The following MICU2 variants were observed in gnomAD, a reference collection of about 807,000 sequenced individuals.
The protein encoded by MICU2 is calcium uptake protein 2, mitochondrial.
Under a neutral mutation model 60.4 loss-of-function variants are expected in MICU2, and 64 were observed. The observed-to-expected ratio is 1.06, with a 90% CI of 0.87 to 1.31. The LOEUF (loss-of-function observed/expected upper bound fraction) is 1.31, where lower values mean the gene tolerates loss of function less well. Among genes scored for constraint, MICU2 ranks in the 50% most tolerant of loss-of-function variants. The pLI, the probability that MICU2 is intolerant of heterozygous loss-of-function variation, is 0.00. For synonymous variants in MICU2, 201 were observed against 175.0 expected, an observed-to-expected ratio of 1.15 and a Z score of -1.17; for missense variants, 569 against 531.0, an observed-to-expected ratio of 1.07 and a Z score of -0.70.
intron 1 of MICU2, among the ~76,000 whole-genome samples, chr13:21,569,756 G>A (rs1259901069): frequency 6.6e-6 from 1 of 150,518 alleles, no homozygotes; most frequent in East Asian, 1.9e-4. Flanking sequence ...TTACATACAT[G>A]TTCTTACTCA....
chr13:21,572,944 A>AG, intron 1 of MICU2, among the ~76,000 whole-genome samples: 1 of 8,608 alleles, frequency 1.2e-4, no homozygotes, highest in African/African-American at 2.7e-4. Context: ...TAAATAATAC[A>AG]AAAAAAAAAT....
At chr13:21,569,499 A>C (rs1888058042) in intron 1 of MICU2, among the ~76,000 whole-genome samples, 1 of 152,066 alleles carries the variant, frequency 6.6e-6, no homozygotes, top group Non-Finnish European at 1.5e-5. Flanking sequence ...GAAGCCCCCA[A>C]GTCACCATCT....
intron 6 of MICU2, among the ~76,000 whole-genome samples, chr13:21,520,336 G>C (rs1350588053): frequency 6.6e-6 from 1 of 152,082 alleles, no homozygotes; most frequent in Non-Finnish European, 1.5e-5. Flanking sequence ...CATATGCCAA[G>C]GATATATGTT....
At chr13:21,546,237 C>G (rs1385279407) in intron 2 of MICU2, among the ~76,000 whole-genome samples, 1 of 150,650 alleles carries the variant, frequency 6.6e-6, no homozygotes, top group Non-Finnish European at 1.5e-5. Context: ...AACTGGCTTC[C>G]TTGCCAATTT....
intron 1 of MICU2, among the ~76,000 whole-genome samples, chr13:21,589,045 T>C (rs1331938493): frequency 1.3e-5 from 2 of 152,190 alleles, no homozygotes; most frequent in African/African-American, 2.4e-5. Flanking sequence ...GAAAATAAGA[T>C]AGCCTTAGAC....
chr13:21,506,171 T>G (rs551553145), intron 8 of MICU2, among the ~76,000 whole-genome samples: 1 of 152,060 alleles, frequency 6.6e-6, no homozygotes, highest in African/African-American at 2.4e-5. Flanking sequence ...GGACTACAGG[T>G]GCACACCACC....
chr13:21,553,510 C>T lies in MICU2; in HGVS notation c.358+13287G>A, dbSNP rs527486220. 9.9e-5 allele frequency among the ~76,000 whole-genome samples: 15 copies of T among 152,026 alleles called. No homozygotes were observed. In the South Asian group the frequency reaches 2.9e-3, roughly 29 times the overall value. ...AGAGAGGGCATCCCCACCAGGCCTGCCCTAAAAGAGCTCCTGAAGGAAGCA... is the reference window on the plus strand; with the variant it reads ...AGAGAGGGCATCCCCACCAGGCCTGTCCTAAAAGAGCTCCTGAAGGAAGCA... On this transcript the variant is annotated intron_variant, in intron 2 of 11. Coordinates refer to ENST00000382374, the MANE Select transcript of MICU2 (RefSeq NM_152726.3).
At chr13:21,523,754 T>C (rs946257380) in intron 4 of MICU2, among the ~76,000 whole-genome samples, 3 of 152,212 alleles carry the variant, frequency 2.0e-5, no homozygotes, top group African/African-American at 7.2e-5. Flanking sequence ...AACACCTAAG[T>C]TGGGCCACTC....
chr13:21,527,174 A>G (rs1886880182), intron 4 of MICU2, among the ~76,000 whole-genome samples: 1 of 152,200 alleles, frequency 6.6e-6, no homozygotes, highest in South Asian at 2.1e-4. Context: ...CTATAAAGGG[A>G]GAATAAATTA....
intron 1 of MICU2, among the ~76,000 whole-genome samples, chr13:21,568,852 T>TC (rs1888041479): frequency 6.6e-6 from 1 of 151,828 alleles, no homozygotes. Flanking sequence ...CTGTTTTTTT[T>TC]TTCTTCTAGG....
chr13:21,578,045 A>G (rs547503358), intron 1 of MICU2, among the ~76,000 whole-genome samples: 1 of 152,238 alleles, frequency 6.6e-6, no homozygotes, highest in East Asian at 1.9e-4. Flanking sequence ...CTGCTCTAGG[A>G]GTCCTTCTAG....
At chr13:21,524,656 C>T (rs758630307) in intron 4 of MICU2, among the ~76,000 whole-genome samples, 1 of 152,168 alleles carries the variant, frequency 6.6e-6, no homozygotes, top group Non-Finnish European at 1.5e-5. Flanking sequence ...ACCATTTAAA[C>T]CATTTTTAAG....
chr13:21,569,947 A>C (rs1888071063), intron 1 of MICU2, among the ~76,000 whole-genome samples: 1 of 152,184 alleles, frequency 6.6e-6, no homozygotes, highest in South Asian at 2.1e-4. Context: ...CTCCTGTTAG[A>C]ATAATATAAA....
In MICU2 at chr13:21,604,072, C is replaced by T; in HGVS notation, c.77G>A (p.Arg26Gln). Reference sequence around the variant, plus strand: ...GGGGCCGGGACTCCGCACAGCCTGTCGGCTGACAGCGAGCCCCCGTCGCAG... The same window carrying T: ...GGGGCCGGGACTCCGCACAGCCTGTTGGCTGACAGCGAGCCCCCGTCGCAG... ...GKLRRGLAVS[R>Q]QAVRSPGPLA... The change falls in exon 1 of 12, where the codon CGA becomes CAA. Residue 26 changes from arginine (R) to glutamine (Q), a missense_variant. Physicochemically the swap from Arg to Gln is conservative, Grantham distance 43 (BLOSUM62 1). Transcript: ENST00000382374. 6.2e-7 allele frequency: 1 copy of T among 1,600,184 alleles called. No individual in the cohort carries two copies. Among genetic ancestry groups the T allele is most frequent in the Non-Finnish European group, 8.5e-7 (1 of 1,174,884 alleles).
At chr13:21,595,445 T>C (rs1166775250) in intron 1 of MICU2, among the ~76,000 whole-genome samples, 1 of 152,220 alleles carries the variant, frequency 6.6e-6, no homozygotes, top group African/African-American at 2.4e-5. Context: ...GCAGGCATAG[T>C]GACTTCAGCT....
chr13:21,521,606 T>C (rs1334077616), intron 5 of MICU2, among the ~76,000 whole-genome samples: 1 of 152,232 alleles, frequency 6.6e-6, no homozygotes, highest in Non-Finnish European at 1.5e-5. Context: ...TTTATTTCTT[T>C]AGCTGCACTA....
intron 8 of MICU2, among the ~76,000 whole-genome samples, chr13:21,503,381 AT>A (rs769401606): frequency 3.3e-5 from 5 of 152,226 alleles, no homozygotes; most frequent in East Asian, 1.9e-4. Context: ...ACTTAAAAAA[AT>A]ATGTCAAATG....
chr13:21,574,843 G>A (rs1888187866), intron 1 of MICU2, among the ~76,000 whole-genome samples: 1 of 152,170 alleles, frequency 6.6e-6, no homozygotes, highest in Non-Finnish European at 1.5e-5. Context: ...TTTACAATCA[G>A]AAATTTTCAT....
intron 4 of MICU2, among the ~76,000 whole-genome samples, chr13:21,525,604 T>A (rs1284133603): frequency 4.6e-5 from 7 of 151,948 alleles, no homozygotes; most frequent in Non-Finnish European, 1.0e-4. Flanking sequence ...TTTTTTTTTT[T>A]AACTGCCAAC....
Sources: allele counts gnomAD v4.1 joint callset (sites outside exome capture counted in the v4.1 genomes callset), GRCh38; gene constraint gnomAD v4.1.1; transcripts MANE v1.5; gene names NCBI Gene and HGNC (gene_info 2026-07-23, HGNC 2026-07-21).